NR2F1-AS1: variants seen among roughly 807,000 people sequenced by gnomAD.
NR2F1-AS1 encodes the protein NR2F1 regulatory antisense RNA 1.
intron 4 of NR2F1-AS1, among the ~76,000 whole-genome samples, chr5:93,434,629 T>C (rs1044004138): frequency 6.6e-6 from 1 of 152,220 alleles, no homozygotes; most frequent in African/African-American, 2.4e-5. Context: ...AATTTAATAT[T>C]GACATAATGC....
At chr5:93,490,626 T>C (rs949661239) in intron 4 of NR2F1-AS1, among the ~76,000 whole-genome samples, 28 of 144,926 alleles carry the variant, frequency 1.9e-4, no homozygotes, top group Non-Finnish European at 3.3e-4. Flanking sequence ...GTGGTGGTGG[T>C]GGTGGTTGTT....
chr5:93,491,624 T>C (rs1750852011), intron 4 of NR2F1-AS1, among the ~76,000 whole-genome samples: 1 of 152,164 alleles, frequency 6.6e-6, no homozygotes, highest in South Asian at 2.1e-4. Context: ...CTAATCAATA[T>C]GGGCAGGTAT....
chr5:93,570,584 G>A (rs970948805), intron 1 of NR2F1-AS1: 1 of 149,680 alleles, frequency 6.7e-6, no homozygotes, highest in Non-Finnish European at 1.5e-5. Flanking sequence ...GTGGGCCTGG[G>A]GTTCGGGAAG....
intron 4 of NR2F1-AS1, among the ~76,000 whole-genome samples, chr5:93,448,268 T>G (rs969431924): frequency 6.6e-6 from 1 of 152,168 alleles, no homozygotes; most frequent in African/African-American, 2.4e-5. Flanking sequence ...CACAATCTCA[T>G]GTTAAACAAT....
chr5:93,508,727 GAAAT>G (rs1168765719), intron 4 of NR2F1-AS1, among the ~76,000 whole-genome samples: 3 of 151,826 alleles, frequency 2.0e-5, no homozygotes, highest in African/African-American at 7.2e-5. Flanking sequence ...ATAAAAAAAT[GAAAT>G]AAAAAAGAAA....
intron 4 of NR2F1-AS1, among the ~76,000 whole-genome samples, chr5:93,481,046 A>G (rs1278808510): frequency 6.6e-6 from 1 of 152,094 alleles, no homozygotes; most frequent in Non-Finnish European, 1.5e-5. Context: ...GCGTAAATGA[A>G]TTAAACAAAT....
intron 1 of NR2F1-AS1, among the ~76,000 whole-genome samples, chr5:93,574,350 G>A (rs73135308): frequency 6.6e-6 from 1 of 152,176 alleles, no homozygotes; most frequent in South Asian, 2.1e-4. Context: ...AGTAACCGGA[G>A]AAAACTGCTC....
upstream of NR2F1-AS1, among the ~76,000 whole-genome samples, chr5:93,582,952 G>A (rs1016407511): frequency 2.0e-5 from 3 of 152,054 alleles, no homozygotes; most frequent in Non-Finnish European, 4.4e-5. Context: ...GCTAAGCGGG[G>A]GGGGGAGAAA....
chr5:93,542,775 C>T (rs905117299), intron 4 of NR2F1-AS1: 1 of 152,136 alleles, frequency 6.6e-6, no homozygotes, highest in African/African-American at 2.4e-5. Flanking sequence ...AATTCTGAAA[C>T]ATCAAAGGCA....
chr5:93,444,535 C>A (rs1241246896), intron 4 of NR2F1-AS1, among the ~76,000 whole-genome samples: 2 of 152,090 alleles, frequency 1.3e-5, no homozygotes, highest in Admixed American at 1.3e-4. Context: ...CAGAGGAGCA[C>A]CCAGATTCAT....
intron 4 of NR2F1-AS1, among the ~76,000 whole-genome samples, chr5:93,439,688 C>T (rs184787000): frequency 1.2e-4 from 18 of 152,284 alleles, no homozygotes; most frequent in Admixed American, 1.1e-3. Flanking sequence ...AGCCTCCATC[C>T]TCATCTCTCA....
rs569896510 is a variant in NR2F1-AS1, at chr5:93,439,842, TC to T, written n.639-44301del. Among the ~76,000 whole-genome samples the T allele has an allele frequency of 8.6e-4, 131 of 152,298 alleles. 4 individuals carry two copies. In the South Asian group the frequency reaches 0.027, roughly 31 times the overall value. The stretch of plus-strand genomic sequence containing the variant: ...AGCATTGGATGTCTTTCCTATGAAT[TC>T]TCTTAGCATTTAATACTTGCTCATC... On this transcript the variant is annotated intron_variant and non_coding_transcript_variant, in intron 4 of 5. Coordinates refer to ENST00000660523, the Ensembl canonical transcript of NR2F1-AS1.
chr5:93,575,268 G>A (rs1314575683), intron 1 of NR2F1-AS1, among the ~76,000 whole-genome samples: 1 of 152,212 alleles, frequency 6.6e-6, no homozygotes, highest in Non-Finnish European at 1.5e-5. Flanking sequence ...GAAATCCAAT[G>A]TCCTTTTCTG....
chr5:93,528,854 CA>C (rs776537139), intron 4 of NR2F1-AS1, among the ~76,000 whole-genome samples: 10 of 149,720 alleles, frequency 6.7e-5, no homozygotes, highest in Admixed American at 1.3e-4. Context: ...ACAATGAGAA[CA>C]CATGGACACA....
chr5:93,431,637 T>C (rs1203060953), intron 4 of NR2F1-AS1, among the ~76,000 whole-genome samples: 2 of 152,208 alleles, frequency 1.3e-5, no homozygotes, highest in Non-Finnish European at 2.9e-5. Flanking sequence ...GTGCAATGAA[T>C]GGTGCATAGG....
intron 1 of NR2F1-AS1, among the ~76,000 whole-genome samples, chr5:93,571,843 C>A (rs995285400): frequency 6.0e-5 from 9 of 150,586 alleles, no homozygotes; most frequent in Non-Finnish European, 1.3e-4. Flanking sequence ...TTCCCCTTTG[C>A]AAACGGAAAA....
intron 4 of NR2F1-AS1, among the ~76,000 whole-genome samples, chr5:93,540,964 G>T (rs1751938543): frequency 6.6e-6 from 1 of 152,162 alleles, no homozygotes; most frequent in South Asian, 2.1e-4. Context: ...ACTTATAACA[G>T]TTTAAAAATT....
chr5:93,554,416 G>T (rs141755904), intron 3 of NR2F1-AS1, among the ~76,000 whole-genome samples: 1 of 151,816 alleles, frequency 6.6e-6, no homozygotes, highest in Non-Finnish European at 1.5e-5. Context: ...TGTTAATACC[G>T]AGGTTTTACA....
At chr5:93,409,986 T>C (rs894172290) in intron 4 of NR2F1-AS1, 1 of 152,180 alleles carries the variant, frequency 6.6e-6, no homozygotes, top group Non-Finnish European at 1.5e-5. Context: ...AGATGGACAC[T>C]CCTCAAGACA....
Sources: gnomAD v4.1 joint callset for allele counts (sites outside exome capture counted in the v4.1 genomes callset) on GRCh38, gnomAD v4.1.1 for gene constraint, MANE v1.5 for transcripts, NCBI Gene and HGNC (gene_info 2026-07-23, HGNC 2026-07-21) for gene names.